The following ZNF680 variants were observed in gnomAD, a reference collection of about 807,000 sequenced individuals.
ZNF680 encodes hypothetical protein FLJ90430.
Under a neutral mutation model 12.1 loss-of-function variants are expected in ZNF680, and 6 were observed. The ratio of observed to expected loss-of-function variants is 0.49; its 90% CI spans 0.27 to 0.98. The LOEUF (loss-of-function observed/expected upper bound fraction) is 0.98, where lower values mean the gene tolerates loss of function less well. Ranked by LOEUF, ZNF680 falls within the 50% of genes least tolerant of loss-of-function variation. The probability of loss-of-function intolerance (pLI) is 0.12; values close to 1 mark genes in which losing one functional copy is unlikely to be tolerated. For missense variants in ZNF680, 561 were observed against 616.3 expected (o/e 0.91, Z 0.95); for synonymous variants, 170 against 199.3 (o/e 0.85, Z 1.24).
intron 3 of ZNF680, among the ~76,000 whole-genome samples, chr7:64,534,218 G>A (rs1277746194): frequency 6.6e-6 from 1 of 152,094 alleles, no homozygotes; most frequent in Non-Finnish European, 1.5e-5. Context: ...AGTCAGCAGA[G>A]TAAACAGACA....
chr7:64,539,388 T>C (rs1345262579), intron 3 of ZNF680, among the ~76,000 whole-genome samples: 2 of 105,114 alleles, frequency 1.9e-5, no homozygotes, highest in South Asian at 5.3e-4. Context: ...AAAGAAAATC[T>C]TGTCCCATTT....
At chr7:64,544,227 A>G in intron 2 of ZNF680, 79 bp downstream of exon 2, 1 of 1,526,680 alleles carries the variant, frequency 6.6e-7, no homozygotes, top group Non-Finnish European at 8.8e-7. Context: ...GCAAAGCACA[A>G]ATTACCACAA....
intron 1 of ZNF680, among the ~76,000 whole-genome samples, chr7:64,546,276 A>G (rs1264281800): frequency 6.6e-6 from 1 of 152,124 alleles, no homozygotes; most frequent in Admixed American, 6.5e-5. Flanking sequence ...CTCTGGACAA[A>G]TTACACTTGT....
chr7:64,500,922 TG>T, the ZNF680 span: 1 of 619,540 alleles, frequency 1.6e-6, no homozygotes, highest in South Asian at 1.5e-5. Context: ...AAGTGTGATG[TG>T]GAGGCAATCT....
chr7:64,536,469 T>C (rs543508170), intron 3 of ZNF680, among the ~76,000 whole-genome samples: 1 of 152,312 alleles, frequency 6.6e-6, no homozygotes, highest in Admixed American at 6.5e-5. Context: ...AAACACGTTC[T>C]TTTAATGAAG....
In ZNF680 at chr7:64,529,272, A is replaced by G. The variant is rs1412584688; in HGVS notation, c.254-6772T>C. Among the ~76,000 whole-genome samples the G allele has an allele frequency of 2.0e-5, 3 of 152,214 alleles. No individual in the cohort carries two copies. The East Asian group carries it at 5.8e-4, about 29-fold the overall frequency. On this transcript the variant is annotated intron_variant, in intron 3 of 3. Transcript: ENST00000309683. ...CAAGGCTCTTTAACGCCCCCAAATT[A>G]TCACACTAGCTAACCAGCAATAAAT...
Position 64,544,307 on chromosome 7 carries a change from C to A in ZNF680, c.156G>T (p.Leu52=), listed in dbSNP as rs1385310113. Residue 52 remains leucine (L), a splice_region_variant and synonymous_variant, in exon 2 of 4, where the codon CTG becomes CTT. Transcript: ENST00000309683. ...MFENYRNLVF[L]GIAVSKPHLI... is the part of the protein sequence containing the mutation. ...ATTGTGTGTTGAAGTTATCCTCACC[C>A]AGGAAGACCAGGTTTCTGTAGTTCT... 2 of 1,601,494 alleles carry A rather than the reference C, an allele frequency of 1.2e-6. No homozygotes were observed. Among genetic ancestry groups the A allele is most frequent in the South Asian group, 2.2e-5 (2 of 90,918 alleles).
chr7:64,562,661 A>G (rs1419075545), intron 1 of ZNF680, among the ~76,000 whole-genome samples: 1 of 152,264 alleles, frequency 6.6e-6, no homozygotes, highest in Non-Finnish European at 1.5e-5. Context: ...GAGATGCGGC[A>G]CTGCGGGTGC....
downstream of ZNF680, chr7:64,519,795 C>T (rs1791437283): frequency 6.6e-6 from 1 of 151,768 alleles, no homozygotes; most frequent in South Asian, 2.1e-4. Flanking sequence ...CATATTGTTA[C>T]TCTCTTTTAC....
At chr7:64,510,992 C>T in the ZNF680 span, among the ~76,000 whole-genome samples, 85 of 150,210 alleles carry the variant, frequency 5.7e-4, no homozygotes, top group African/African-American at 2.0e-3. Flanking sequence ...AAAACACAGG[C>T]CAGGCACGGT....
intron 1 of ZNF680, among the ~76,000 whole-genome samples, chr7:64,558,338 C>A (rs12532677): frequency 0.028 from 4,229 of 151,942 alleles, 121 homozygotes; most frequent in African/African-American, 0.064. Flanking sequence ...AGTGTGGACA[C>A]ATCAATTTAT....
At chr7:64,533,360 T>A (rs181847237) in intron 3 of ZNF680, among the ~76,000 whole-genome samples, 42 of 152,300 alleles carry the variant, frequency 2.8e-4, no homozygotes, top group Admixed American at 1.8e-3. Context: ...GTAGCTCTTC[T>A]ATACACCAAC....
chr7:64,559,732 T>G (rs906411103), intron 1 of ZNF680, among the ~76,000 whole-genome samples: 4 of 152,214 alleles, frequency 2.6e-5, no homozygotes, highest in Admixed American at 1.3e-4. Context: ...TCCACCCACC[T>G]TGGCCTCCCA....
chr7:64,551,710 G>A (rs1562771604), intron 1 of ZNF680: 1 of 154,210 alleles, frequency 6.5e-6, no homozygotes, highest in Admixed American at 6.5e-5. Flanking sequence ...CAGACACTGT[G>A]AAATGCTAAA....
At chr7:64,547,871 T>A (rs1384138355) in intron 1 of ZNF680, among the ~76,000 whole-genome samples, 5 of 152,218 alleles carry the variant, frequency 3.3e-5, no homozygotes, top group Admixed American at 6.5e-5. Context: ...CCCATTAATC[T>A]GCTTCTGAGT....
chr7:64,561,536 T>G (rs1252585483), intron 1 of ZNF680, among the ~76,000 whole-genome samples: 1 of 152,224 alleles, frequency 6.6e-6, no homozygotes, highest in Non-Finnish European at 1.5e-5. Flanking sequence ...GGGATTACTC[T>G]TTGCTTTCTT....
chr7:64,523,469 G>C lies in ZNF680; in HGVS notation c.254-969C>G, dbSNP rs1240928698. 2.0e-5 allele frequency among the ~76,000 whole-genome samples: 3 copies of C among 152,022 alleles called. 1 individual carries two copies. The South Asian group carries it at 6.2e-4, about 32-fold the overall frequency. On this transcript the variant is annotated intron_variant, in intron 3 of 3. Transcript: ENST00000309683. ...TCAACAAGACACCAAGGATGACAGA[G>C]AGAAAATCAGAGACAAAAAAGAATC...
chr7:64,547,328 A>G (rs1786838948), intron 1 of ZNF680, among the ~76,000 whole-genome samples: 2 of 152,200 alleles, frequency 1.3e-5, no homozygotes, highest in African/African-American at 4.8e-5. Context: ...CAACACAAAT[A>G]AAGACAACCA....
chr7:64,532,306 A>G (rs1295045173), intron 3 of ZNF680, among the ~76,000 whole-genome samples: 1 of 149,316 alleles, frequency 6.7e-6, no homozygotes, highest in Non-Finnish European at 1.5e-5. Flanking sequence ...CTCCATCTCA[A>G]AAAAAAAAAA....
Sources: allele counts gnomAD v4.1 joint callset (sites outside exome capture counted in the v4.1 genomes callset), GRCh38; gene constraint gnomAD v4.1.1; transcripts MANE v1.5; gene names NCBI Gene and HGNC (gene_info 2026-07-23, HGNC 2026-07-21).